PTPRN2: variants seen among roughly 807,000 people sequenced by gnomAD.
PTPRN2 encodes receptor-type tyrosine-protein phosphatase N2.
Under a neutral mutation model 118.8 loss-of-function variants are expected in PTPRN2, and 74 were observed. That is an observed-to-expected ratio of 0.62 (90% CI 0.52 to 0.76). PTPRN2 has a LOEUF of 0.76. Among genes scored for constraint, PTPRN2 ranks in the 30% least tolerant of loss-of-function variants. The pLI is 0.00. For synonymous variants in PTPRN2, 641 were observed against 608.0 expected (o/e 1.05, Z -0.80); for missense variants, 1,481 against 1,394.4 (o/e 1.06, Z -0.99).
intron 3 of PTPRN2, among the ~76,000 whole-genome samples, chr7:158,263,477 A>G (rs192765088): frequency 1.4e-4 from 22 of 152,348 alleles, no homozygotes; most frequent in African/African-American, 5.3e-4. Flanking sequence ...CGCATCCCAC[A>G]GGAGGGGCTT....
intron 11 of PTPRN2, among the ~76,000 whole-genome samples, chr7:157,972,001 T>C (rs982873882): frequency 6.6e-6 from 1 of 152,234 alleles, no homozygotes; most frequent in Non-Finnish European, 1.5e-5. Flanking sequence ...CAAACTTATA[T>C]CAAGGTATGG....
At chr7:158,164,082 G>A (rs891264162) in intron 6 of PTPRN2, among the ~76,000 whole-genome samples, 1 of 152,238 alleles carries the variant, frequency 6.6e-6, no homozygotes, top group Non-Finnish European at 1.5e-5. Context: ...AACTCGTAGG[G>A]ATCACGGGAG....
chr7:157,939,323 A>G (rs538754525), intron 11 of PTPRN2, among the ~76,000 whole-genome samples: 21 of 152,384 alleles, frequency 1.4e-4, no homozygotes, highest in African/African-American at 5.0e-4. Flanking sequence ...TCCATCACTG[A>G]GCGGCCACAG....
intron 2 of PTPRN2, among the ~76,000 whole-genome samples, chr7:158,458,605 C>T (rs951460582): frequency 2.0e-5 from 3 of 152,200 alleles, no homozygotes; most frequent in African/African-American, 7.2e-5. Context: ...CCCTCTCGTG[C>T]GGTCTCCCAA....
At chr7:158,345,951 G>A (rs1025843432) in intron 2 of PTPRN2, among the ~76,000 whole-genome samples, 2 of 152,096 alleles carry the variant, frequency 1.3e-5, no homozygotes, top group African/African-American at 4.8e-5. Flanking sequence ...ACAGCGTGGT[G>A]GAAACCACCC....
intron 2 of PTPRN2, among the ~76,000 whole-genome samples, chr7:158,417,530 C>T (rs1424450081): frequency 6.6e-6 from 1 of 150,844 alleles, no homozygotes; most frequent in Admixed American, 6.6e-5. Context: ...TGGTGTACTA[C>T]ATCGAGATGC....
chr7:157,685,904 C>A (rs1367370609), intron 12 of PTPRN2, among the ~76,000 whole-genome samples: 1 of 152,120 alleles, frequency 6.6e-6, no homozygotes, highest in Admixed American at 6.5e-5. Context: ...CCGCGCTGTC[C>A]CAGCAGAGGA....
intron 6 of PTPRN2, among the ~76,000 whole-genome samples, chr7:158,152,596 G>T (rs1476579466): frequency 2.0e-5 from 3 of 152,134 alleles, no homozygotes; most frequent in Non-Finnish European, 2.9e-5. Flanking sequence ...TCCCTGGCTG[G>T]GGCTCCATCT....
chr7:158,429,465 T>C (rs2129428118), intron 2 of PTPRN2, among the ~76,000 whole-genome samples: 1 of 152,300 alleles, frequency 6.6e-6, no homozygotes, highest in African/African-American at 2.4e-5. Context: ...TCTGCCTCGT[T>C]CCCACGGACC....
intron 11 of PTPRN2, among the ~76,000 whole-genome samples, chr7:157,982,612 C>T (rs1237390336): frequency 6.8e-6 from 1 of 146,584 alleles, no homozygotes; most frequent in Non-Finnish European, 1.5e-5. Context: ...TGCAGGGTCC[C>T]CCCTAAACCC....
chr7:157,711,499 G>C (rs113846914), intron 12 of PTPRN2, among the ~76,000 whole-genome samples: 1 of 151,744 alleles, frequency 6.6e-6, no homozygotes, highest in South Asian at 2.1e-4. Context: ...CCTGCAGCCC[G>C]GGGGAGTCCT....
rs558350837 is a variant in PTPRN2 at position 158,192,419 on chromosome 7, G to A, written c.457C>T (p.Arg153Cys). Residue 153 changes from arginine to cysteine, a missense_variant, in exon 5 of 23, where the codon CGC (arginine) becomes TGC (cysteine). This residue lies in a region of PTPRN2 where 1,115 missense variants were observed against 994.2 expected (regional missense o/e 1.12). Transcript: ENST00000389418. ...AGGGCCTCCAGGAAGGGCAGGTGGC[G>A]TCGGAGGGCGTTGGCCAGGGCAGCA... ...GGAALANALR[R>C]HLPFLEALSQ... 46 of 1,545,000 alleles carry A rather than the reference G, an allele frequency of 3.0e-5. No individual in the cohort carries two copies. Among genetic ancestry groups the A allele is most frequent in the Non-Finnish European group, 3.3e-5 (38 of 1,155,666 alleles).
chr7:157,839,248 ATC>A (rs1808196351), intron 12 of PTPRN2, among the ~76,000 whole-genome samples: 1 of 152,250 alleles, frequency 6.6e-6, no homozygotes, highest in Admixed American at 6.5e-5. Flanking sequence ...TCGTATGTGT[ATC>A]TGAGTGTGTT....
intron 2 of PTPRN2, among the ~76,000 whole-genome samples, chr7:158,437,407 T>C (rs140136763): frequency 1.2e-3 from 185 of 152,378 alleles, no homozygotes; most frequent in African/African-American, 4.2e-3. Context: ...TCTGTGGGTG[T>C]ACTGTTGTCA....
chr7:157,568,815 G>A lies in PTPRN2; in HGVS notation c.2902+87C>T. ...CAACAAGCAGCGAATTTTTTCCAGGGCCTCCCGTGAACACGGCACCCTACG... is the reference window on the plus strand; with the variant it reads ...CAACAAGCAGCGAATTTTTTCCAGGACCTCCCGTGAACACGGCACCCTACG... On this transcript the variant is annotated intron_variant, in intron 21 of 22. Coordinates refer to ENST00000389418, the MANE Select transcript of PTPRN2 (RefSeq NM_002847.5). The A allele has an allele frequency of 1.4e-6, 2 of 1,381,918 alleles. 1 individual carries two copies. Among genetic ancestry groups the A allele is most frequent in the South Asian group, 2.3e-5 (2 of 85,236 alleles). 85.6% of individuals were successfully genotyped at this position (1,381,918 alleles called of 1,614,324 possible).
At chr7:158,567,763 C>T (rs1193892071) in intron 1 of PTPRN2, among the ~76,000 whole-genome samples, 1 of 152,134 alleles carries the variant, frequency 6.6e-6, no homozygotes, top group Non-Finnish European at 1.5e-5. Context: ...CTGGGGGCTG[C>T]ACCCCCCCAC....
intron 3 of PTPRN2, among the ~76,000 whole-genome samples, chr7:158,216,295 G>A (rs56215385): frequency 0.17 from 26,131 of 151,684 alleles, 2,493 homozygotes; most frequent in Non-Finnish European, 0.23. Flanking sequence ...AGGAAGGGAG[G>A]AAGAAACAAA....
chr7:158,035,910 G>A (rs1253948712), intron 11 of PTPRN2, among the ~76,000 whole-genome samples: 1 of 152,162 alleles, frequency 6.6e-6, no homozygotes, highest in Non-Finnish European at 1.5e-5. Flanking sequence ...TCTGTAATGA[G>A]AAAGTGTGAG....
At chr7:157,994,547 A>AAAATC (rs796902583) in intron 11 of PTPRN2, among the ~76,000 whole-genome samples, 13 of 12,824 alleles carry the variant, frequency 1.0e-3, no homozygotes, top group South Asian at 3.2e-3. Flanking sequence ...CCTTGTTCCT[A>AAAATC]AAATCAGCAC....
Sources: allele counts gnomAD v4.1 joint callset (sites outside exome capture counted in the v4.1 genomes callset), GRCh38; gene constraint gnomAD v4.1.1; regional missense constraint gnomAD v4.1.1; transcripts MANE v1.5; gene names NCBI Gene and HGNC (gene_info 2026-07-23, HGNC 2026-07-21).